Variants in PCDHGB5 observed in about 807,000 individuals in gnomAD.
PCDHGB5 encodes the protein protocadherin gamma subfamily B, 5, also known as protocadherin gamma-B5.
PCDHGB5 carries 48 observed loss-of-function variants against 62.9 expected under a neutral mutation model. That is an observed-to-expected ratio of 0.76 (90% confidence interval 0.61 to 0.97). PCDHGB5 has a LOEUF of 0.97. Ranked by LOEUF, PCDHGB5 falls within the 50% of genes least tolerant of loss-of-function variation. PCDHGB5 has a pLI of 0.00. For missense variants in PCDHGB5, 1,118 were observed against 1,198.6 expected (o/e 0.93, Z 0.99); for synonymous variants, 474 against 511.2 (o/e 0.93, Z 0.98).
chr5:141,494,251 G>C (rs961451413), intron 1 of PCDHGB5, among the ~76,000 whole-genome samples: 2 of 152,214 alleles, frequency 1.3e-5, no homozygotes, highest in African/African-American at 4.8e-5. Context: ...TTAGCTGTGG[G>C]AAGAGATTCT....
chr5:141,482,071 A>G (rs2099551527), intron 1 of PCDHGB5, among the ~76,000 whole-genome samples: 1 of 145,394 alleles, frequency 6.9e-6, no homozygotes, highest in Non-Finnish European at 1.5e-5. Flanking sequence ...GGCAACAAGA[A>G]CAAAACTCAC....
chr5:141,476,843 G>A lies in PCDHGB5; in HGVS notation c.2398-17964G>A, dbSNP rs2099399765. On this transcript the variant is annotated intron_variant, in intron 1 of 3. Transcript: ENST00000617380. The surrounding 1 kb of genome is among the most constrained non-coding windows in gnomAD (Gnocchi z 7.6). ...GCTGGACGCGAATGACAATGCGCCT[G>A]TCTTCAACCAGTCCTTGTACCGGGC... 1 of 1,613,706 alleles carries A rather than the reference G, an allele frequency of 6.2e-7. No individual in the cohort carries two copies. Among genetic ancestry groups the A allele is most frequent in the Non-Finnish European group, 8.5e-7 (1 of 1,180,046 alleles).
At chr5:141,484,317 T>C (rs939085863) in intron 1 of PCDHGB5, among the ~76,000 whole-genome samples, 1 of 152,220 alleles carries the variant, frequency 6.6e-6, no homozygotes, top group Non-Finnish European at 1.5e-5. Context: ...CCCGCTTCCA[T>C]ACTGTCCTTG....
rs747159210 is a variant in PCDHGB5, at chr5:141,511,184, A to C, written c.*11A>C. 1.2e-5 allele frequency: 19 copies of C among 1,613,876 alleles called. No homozygotes were observed. In the Admixed American group the frequency reaches 3.2e-4, roughly 27 times the overall value. ...AAGGAGAAGAAGTAACATGGAGGCC[A>C]GGCCAAGAGCCACAGGGCGGCCTCT... is the stretch of plus-strand genomic sequence containing the variant. On this transcript the variant is annotated 3_prime_UTR_variant, in exon 4 of 4. Transcript: ENST00000617380.
At chr5:141,503,804 G>A (rs2099831736) in intron 2 of PCDHGB5, among the ~76,000 whole-genome samples, 1 of 152,034 alleles carries the variant, frequency 6.6e-6, no homozygotes, top group South Asian at 2.1e-4. Flanking sequence ...TAGGGACGGG[G>A]AATCCCAGAT....
chr5:141,430,992 A>G (rs1223969128), intron 1 of PCDHGB5: 2 of 1,613,824 alleles, frequency 1.2e-6, no homozygotes, highest in Admixed American at 3.3e-5. Context: ...TTCGCCCTGA[A>G]TCCGCGCAGC....
rs188953728 is a variant in PCDHGB5, at chr5:141,448,550, T to A, written c.2398-46257T>A. Among the ~76,000 whole-genome samples, 304 of 152,316 alleles carry A rather than the reference T, an allele frequency of 2.0e-3. 1 individual carries two copies. Among genetic ancestry groups the A allele is most frequent in the African/African-American group, 6.6e-3 (275 of 41,578 alleles). On this transcript the variant is annotated intron_variant, in intron 1 of 3. Transcript: ENST00000617380. ...CCTGTCAGCATTTCTTATGCAAATA[T>A]GTACATATATTTTTATTTCCCCATT...
intron 2 of PCDHGB5, among the ~76,000 whole-genome samples, chr5:141,498,994 AAGGAAGGAAGG>A (rs2099788184): frequency 2.0e-5 from 3 of 148,560 alleles, no homozygotes; most frequent in Non-Finnish European, 4.5e-5. Flanking sequence ...GGAAGGAAGG[AAGGAAGGAAGG>A]AAGGAAGGAA....
intron 1 of PCDHGB5, among the ~76,000 whole-genome samples, chr5:141,456,179 A>G (rs1161415053): frequency 6.6e-6 from 1 of 151,860 alleles, no homozygotes; most frequent in Non-Finnish European, 1.5e-5. Context: ...TTACAGAATA[A>G]TTTCTTAATA....
intron 1 of PCDHGB5, chr5:141,422,654 C>T: frequency 1.2e-6 from 2 of 1,610,030 alleles, no homozygotes; most frequent in Non-Finnish European, 1.7e-6. Flanking sequence ...TTCTCAGTGA[C>T]CGCCCTCGAC....
chr5:141,414,253 G>A (rs768166537), intron 1 of PCDHGB5: 1 of 1,613,492 alleles, frequency 6.2e-7, no homozygotes, highest in Non-Finnish European at 8.5e-7. Flanking sequence ...ATTTAGTCCA[G>A]TGACTGAAGA....
chr5:141,433,843 A>C (rs2097657951), intron 1 of PCDHGB5, among the ~76,000 whole-genome samples: 1 of 151,956 alleles, frequency 6.6e-6, no homozygotes, highest in African/African-American at 2.4e-5. Context: ...ATCTCAAAAA[A>C]AAAAAAAAAA....
chr5:141,490,984 T>TCTG lies in PCDHGB5; in HGVS notation c.2398-3820_2398-3818dup. On this transcript the variant is annotated intron_variant, in intron 1 of 3. Transcript: ENST00000617380. The surrounding 1 kb of genome is among the most constrained non-coding windows in gnomAD (Gnocchi z 5.4). ...CTCAGCCCCCCAGCGTCTCCCTCGCTCTGCTCCTCCTGGCTCCTTGGTCAC... is the reference window on the plus strand; with the variant it reads ...CTCAGCCCCCCAGCGTCTCCCTCGCTCTGCTGCTCCTCCTGGCTCCTTGGTCAC... The TCTG allele has an allele frequency of 1.2e-6, 2 of 1,614,110 alleles. No homozygotes were observed. Among genetic ancestry groups the TCTG allele is most frequent in the Non-Finnish European group, 1.7e-6 (2 of 1,180,028 alleles).
At chr5:141,445,963 A>G (rs2098483291) in intron 1 of PCDHGB5, among the ~76,000 whole-genome samples, 2 of 152,342 alleles carry the variant, frequency 1.3e-5, no homozygotes, top group South Asian at 2.1e-4. Flanking sequence ...TATATGGAGA[A>G]TTGATTTATG....
intron 1 of PCDHGB5, chr5:141,426,692 C>T: frequency 2.3e-6 from 1 of 435,472 alleles, no homozygotes; most frequent in Non-Finnish European, 4.7e-6. Flanking sequence ...CCCAAAATAG[C>T]ATTGTTTTAC....
At chr5:141,410,006 G>T (rs1201569227) in intron 1 of PCDHGB5, 8 of 1,613,274 alleles carry the variant, frequency 5.0e-6, no homozygotes, top group Non-Finnish European at 5.1e-6. Context: ...GGGACACAAC[G>T]CCTGGCTGTC....
At chr5:141,502,480 AC>A (rs145333712) in intron 2 of PCDHGB5, among the ~76,000 whole-genome samples, 7,822 of 152,242 alleles carry the variant, frequency 0.051, 439 homozygotes, top group African/African-American at 0.14. Flanking sequence ...GCAGCATCAC[AC>A]TGGGACTCAT....
chr5:141,446,256 T>C lies in PCDHGB5; in HGVS notation c.2397+45732T>C, dbSNP rs535879308. On this transcript the variant is annotated intron_variant, in intron 1 of 3. Transcript: ENST00000617380. Reference sequence around the variant, plus strand: ...CAAGTGGTAGATCTTCAGTGAAATATTATTAACTGAATAAATACAATGGAT... The same window carrying C: ...CAAGTGGTAGATCTTCAGTGAAATACTATTAACTGAATAAATACAATGGAT... Among the ~76,000 whole-genome samples the C allele has an allele frequency of 2.0e-5, 3 of 152,310 alleles. No homozygotes were observed. The East Asian group carries it at 5.8e-4, about 29-fold the overall frequency.
At position 141,430,761 on chromosome 5, in the gene PCDHGB5, T is replaced by C. The variant is rs769012885; in HGVS notation, c.2397+30237T>C. The C allele has an allele frequency of 2.0e-6, 3 of 1,506,132 alleles. No individual in the cohort carries two copies. The African/African-American group carries it at 4.2e-5, about 21-fold the overall frequency. The allele number at this position is 1,506,132 out of a possible 1,614,324, so 93.3% of individuals were successfully genotyped here. ...AAATAATTCTGGAGGAAGATAAGAATGATTCCTGCGCGACTGCACCGGGAC... is the reference window on the plus strand; with the variant it reads ...AAATAATTCTGGAGGAAGATAAGAACGATTCCTGCGCGACTGCACCGGGAC... On this transcript the variant is annotated intron_variant, in intron 1 of 3. Coordinates refer to ENST00000617380, the MANE Select transcript of PCDHGB5 (RefSeq NM_018925.3).
Sources: gnomAD v4.1 joint callset for allele counts (sites outside exome capture counted in the v4.1 genomes callset) on GRCh38, gnomAD v4.1.1 for gene constraint, Gnocchi (gnomAD v3.1) non-coding constraint, MANE v1.5 for transcripts, NCBI Gene and HGNC (gene_info 2026-07-23, HGNC 2026-07-21) for gene names.